DNAH8: variants seen among roughly 807,000 people sequenced by gnomAD.
DNAH8 encodes the protein dynein axonemal heavy chain 8.
Under a neutral mutation model 562.1 loss-of-function variants are expected in DNAH8, and 382 were observed. The observed-to-expected ratio is 0.68, with a 90% CI of 0.63 to 0.74. The LOEUF (loss-of-function observed/expected upper bound fraction) is 0.74, where lower values mean the gene tolerates loss of function less well. Ranked by LOEUF, DNAH8 falls within the 30% of genes least tolerant of loss-of-function variation. The pLI is 0.00. For missense variants in DNAH8, 5,203 were observed against 5,620.4 expected, an observed-to-expected ratio of 0.93 and a Z score of 2.37; for synonymous variants, 1,881 against 1,919.4, an observed-to-expected ratio of 0.98 and a Z score of 0.52.
In DNAH8 at chr6:38,832,743, T is replaced by G. The variant is rs137939355; in HGVS notation, c.4302+308T>G. 5.1e-3 allele frequency among the ~76,000 whole-genome samples: 778 copies of G among 152,300 alleles called. 6 individuals carry two copies. Among genetic ancestry groups the G allele is most frequent in the African/African-American group, 0.018 (755 of 41,548 alleles). On this transcript the variant is annotated intron_variant, in intron 31 of 92. Transcript: ENST00000327475. The stretch of plus-strand genomic sequence containing the variant: ...ATACTGTTTTAAGAAAGTTTATGAA[T>G]TTGTGTTGGGCTGCATTCAAAGCTG...
intron 61 of DNAH8, among the ~76,000 whole-genome samples, chr6:38,898,630 A>C (rs759426124): frequency 2.0e-4 from 30 of 152,318 alleles, no homozygotes; most frequent in Middle Eastern, 6.8e-3. Flanking sequence ...CTTTTGGCAC[A>C]CTGAGTCAAC....
intron 3 of DNAH8, among the ~76,000 whole-genome samples, chr6:38,729,189 C>T (rs1368940017): frequency 1.3e-5 from 2 of 150,390 alleles, no homozygotes; most frequent in South Asian, 2.1e-4. Context: ...GGTGACAGAG[C>T]GAAACTCCGT....
chr6:38,744,479 G>C (rs1475077231), intron 8 of DNAH8: 1 of 151,960 alleles, frequency 6.6e-6, no homozygotes, highest in Non-Finnish European at 1.5e-5. Flanking sequence ...TAGTGAAGTT[G>C]TTCAGTTTTT....
chr6:38,771,139 T>G (rs1767529281), intron 12 of DNAH8, among the ~76,000 whole-genome samples: 1 of 152,212 alleles, frequency 6.6e-6, no homozygotes, highest in South Asian at 2.1e-4. Context: ...TTAGGTATTC[T>G]TCCCCCAACT....
In DNAH8 at chr6:38,750,465, T is replaced by C. The variant is rs1293752996; in HGVS notation, c.1294-11T>C. 1.9e-6 allele frequency: 3 copies of C among 1,589,002 alleles called. No homozygotes were observed. Among genetic ancestry groups the C allele is most frequent in the Admixed American group, 1.7e-5 (1 of 58,734 alleles). On this transcript the variant is annotated splice_polypyrimidine_tract_variant and intron_variant, in intron 8 of 92. Transcript: ENST00000327475. ...GATGTTTCATAGAATTCTTATACCTTTTTTTCTTAGAATTGGCGTGATTTG... is the reference window on the plus strand; with the variant it reads ...GATGTTTCATAGAATTCTTATACCTCTTTTTCTTAGAATTGGCGTGATTTG...
intron 57 of DNAH8, among the ~76,000 whole-genome samples, chr6:38,887,634 G>A (rs779276325): frequency 2.6e-5 from 4 of 152,088 alleles, no homozygotes; most frequent in Non-Finnish European, 4.4e-5. Context: ...TTGAGCCTAG[G>A]AGGTCAAGGC....
At chr6:38,816,501 G>T (rs1042315182) in intron 26 of DNAH8, among the ~76,000 whole-genome samples, 1 of 152,108 alleles carries the variant, frequency 6.6e-6, no homozygotes, top group Non-Finnish European at 1.5e-5. Context: ...TGGGCATTTG[G>T]GTTGATTCCA....
rs1163396373 is a variant in DNAH8 at position 38,753,055 on chromosome 6, A to G, written c.1407+2466A>G. On this transcript the variant is annotated intron_variant, in intron 9 of 92. Transcript: ENST00000327475. Reference sequence around the variant, plus strand: ...CCAGGTAGTGAGTACAGTACACAATAGGAAGTTTTTCAGCTCACACCTCTC... The same window carrying G: ...CCAGGTAGTGAGTACAGTACACAATGGGAAGTTTTTCAGCTCACACCTCTC... Among the ~76,000 whole-genome samples the G allele has an allele frequency of 4.6e-5, 7 of 152,252 alleles. No homozygotes were observed. In the East Asian group the frequency reaches 1.2e-3, roughly 25 times the overall value.
intron 1 of DNAH8, chr6:38,716,719 A>G (rs889035571): frequency 6.6e-6 from 1 of 152,200 alleles, no homozygotes; most frequent in African/African-American, 2.4e-5. Flanking sequence ...CAGTGGCCAG[A>G]CATGCAGAAG....
intron 82 of DNAH8, among the ~76,000 whole-genome samples, chr6:38,955,442 C>T (rs1185636734): frequency 1.3e-5 from 2 of 152,074 alleles, no homozygotes; most frequent in African/African-American, 4.8e-5. Context: ...GTCAGCCTGA[C>T]CAACATGGCA....
At chr6:39,023,013 C>T (rs1454737751) in intron 91 of DNAH8, among the ~76,000 whole-genome samples, 2 of 152,128 alleles carry the variant, frequency 1.3e-5, no homozygotes, top group Non-Finnish European at 2.9e-5. Flanking sequence ...ACATGTAACT[C>T]AGATGTTTAA....
At chr6:39,005,384 A>G (rs1765735078) in intron 88 of DNAH8, among the ~76,000 whole-genome samples, 2 of 152,166 alleles carry the variant, frequency 1.3e-5, no homozygotes, top group Non-Finnish European at 2.9e-5. Flanking sequence ...AGCCTGGGCG[A>G]CAGAGTAAGA....
Position 38,786,772 on chromosome 6 carries a change from A to G in DNAH8, c.2403A>G (p.Gln801=), listed in dbSNP as rs983677952. The change falls in exon 18 of 93, where the codon CAA becomes CAG. Residue 801 remains glutamine (Q), a synonymous_variant. Transcript: ENST00000327475. The part of the protein sequence containing the change: ...REISQLHYAL[Q]ATLFVRHPET... ...ATCATTATTTATTTGTAGCTTTACA[A>G]GCCACGCTTTTTGTGCGACATCCAG... is the stretch of plus-strand genomic sequence containing the variant. 2 of 1,611,378 alleles carry G rather than the reference A, an allele frequency of 1.2e-6. No homozygotes were observed. Among genetic ancestry groups the G allele is most frequent in the African/African-American group, 1.3e-5 (1 of 74,904 alleles).
chr6:38,723,618 T>A, intron 3 of DNAH8, 147 bp downstream of exon 3: 1 of 994,678 alleles, frequency 1.0e-6, no homozygotes, highest in Non-Finnish European at 1.5e-6. Context: ...CTCATGCCTG[T>A]AATCCCAGCA....
chr6:39,002,560 A>G (rs891662803), intron 88 of DNAH8, among the ~76,000 whole-genome samples: 6 of 152,144 alleles, frequency 3.9e-5, no homozygotes, highest in African/African-American at 1.4e-4. Context: ...TTTTACTAGA[A>G]TATTGTGTTC....
intron 56 of DNAH8, among the ~76,000 whole-genome samples, chr6:38,886,426 C>G (rs1778929733): frequency 1.3e-5 from 2 of 152,164 alleles, no homozygotes; most frequent in African/African-American, 4.8e-5. Context: ...ACATTCTGAT[C>G]TAAAGGTTTT....
chr6:38,834,674 T>C (rs1285995650), intron 32 of DNAH8, 33 bp downstream of exon 32: 3 of 1,507,816 alleles, frequency 2.0e-6, no homozygotes, highest in East Asian at 2.3e-5. Context: ...ACATCGACAA[T>C]GTGTAATTTA....
chr6:38,782,131 A>T (rs1375305083), intron 16 of DNAH8, among the ~76,000 whole-genome samples: 1 of 152,056 alleles, frequency 6.6e-6, no homozygotes, highest in Non-Finnish European at 1.5e-5. Context: ...GAATATCAAA[A>T]AAAAATTAAA....
chr6:38,929,780 T>A, intron 75 of DNAH8, 114 bp downstream of exon 75: 1 of 995,434 alleles, frequency 1.0e-6, no homozygotes, highest in South Asian at 2.2e-5. Context: ...CTACTTATCT[T>A]ATTGAGCATA....
Sources: allele counts gnomAD v4.1 joint callset (sites outside exome capture counted in the v4.1 genomes callset), GRCh38; gene constraint gnomAD v4.1.1; transcripts MANE v1.5; gene names NCBI Gene and HGNC (gene_info 2026-07-23, HGNC 2026-07-21).